The following MAPKBP1 variants were observed in gnomAD, a reference collection of about 807,000 sequenced individuals.
MAPKBP1 encodes mitogen-activated protein kinase binding protein 1, also known as mitogen-activated protein kinase-binding protein 1.
MAPKBP1 carries 71 observed loss-of-function variants against 170.5 expected under a neutral mutation model. That is an observed-to-expected ratio of 0.42 (90% CI 0.34 to 0.51). The LOEUF (loss-of-function observed/expected upper bound fraction) is 0.51. Ranked by LOEUF, MAPKBP1 falls within the 20% of genes least tolerant of loss-of-function variation. The pLI, the probability that MAPKBP1 is intolerant of heterozygous loss-of-function variation, is 0.06. For synonymous variants in MAPKBP1, 719 were observed against 757.9 expected (o/e 0.95, Z 0.84); for missense variants, 1,598 against 1,933.0 (o/e 0.83, Z 3.25).
At chr15:41,775,885 G>A (rs1283204548) in intron 2 of MAPKBP1, among the ~76,000 whole-genome samples, 1 of 152,064 alleles carries the variant, frequency 6.6e-6, no homozygotes, top group Non-Finnish European at 1.5e-5. Context: ...AATTTTTTTT[G>A]TCTCTTCAAG....
intron 2 of MAPKBP1, among the ~76,000 whole-genome samples, chr15:41,783,127 G>A (rs374810784): frequency 6.6e-6 from 1 of 152,176 alleles, no homozygotes; most frequent in Non-Finnish European, 1.5e-5. Flanking sequence ...AGGGCAGACC[G>A]ACGGATGCCT....
At chr15:41,795,790 T>A (rs1293909946) in intron 2 of MAPKBP1, among the ~76,000 whole-genome samples, 4 of 152,092 alleles carry the variant, frequency 2.6e-5, no homozygotes, top group Non-Finnish European at 4.4e-5. Context: ...TTTGTATTTT[T>A]ATTAGAGACG....
chr15:41,776,584 G>A (rs1358912553), intron 2 of MAPKBP1, among the ~76,000 whole-genome samples: 1 of 152,224 alleles, frequency 6.6e-6, no homozygotes, highest in African/African-American at 2.4e-5. Flanking sequence ...AGCCTGAAAT[G>A]TAGAAATTGC....
At chr15:41,805,681 G>A (rs1298676834) in intron 3 of MAPKBP1, among the ~76,000 whole-genome samples, 1 of 152,224 alleles carries the variant, frequency 6.6e-6, no homozygotes, top group African/African-American at 2.4e-5. Flanking sequence ...CAGCTTTGAA[G>A]CATTGCACTG....
At position 41,782,217 on chromosome 15, in the gene MAPKBP1, G is replaced by A. The variant is rs539325946; in HGVS notation, c.114+6828G>A. Among the ~76,000 whole-genome samples, 288 of 146,694 alleles carry A rather than the reference G, an allele frequency of 2.0e-3. 1 individual carries two copies. The highest frequency in any genetic ancestry group is 6.8e-3 in the African/African-American group (272 of 39,868). On this transcript the variant is annotated intron_variant, in intron 2 of 30. Coordinates refer to ENST00000457542, the MANE Select transcript of MAPKBP1 (RefSeq NM_014994.3). ...GCGGAGCTTGCAGTGAGCTGAGATC[G>A]CGCCACTGCCCTCCAGCCTGGGAGA...
Position 41,819,319 on chromosome 15 carries a change from G to C in MAPKBP1, c.2365G>C (p.Gly789Arg). The change falls in exon 21 of 31, where the codon GGG becomes CGG. Residue 789 changes from glycine (G) to arginine (R), a missense_variant. This residue lies in a region of MAPKBP1 where 942 missense variants were observed against 953.2 expected (regional missense o/e 0.99). Coordinates refer to ENST00000457542, the MANE Select transcript of MAPKBP1 (RefSeq NM_014994.3). ...SDSDKEGEDEGTEEELPALPV... is the reference protein window; with the variant it reads ...SDSDKEGEDERTEEELPALPV... ...CAGTGACAAGGAGGGAGAAGATGAG[G>C]GGACTGAAGAAGAACTTCCAGCACT... is the stretch of plus-strand genomic sequence containing the variant. 1 of 1,614,194 alleles carries C rather than the reference G, an allele frequency of 6.2e-7. No individual in the cohort carries two copies. The highest frequency in any genetic ancestry group is 8.5e-7 in the Non-Finnish European group (1 of 1,180,044).
chr15:41,819,829 G>A lies in MAPKBP1; in HGVS notation c.2481+179G>A, dbSNP rs149744278. On this transcript the variant is annotated intron_variant, in intron 22 of 30. Transcript: ENST00000457542. ...AAGCAGCTGGGCTGGTCCTGGGTGC[G>A]GGGGTGAAGAAAGCCCAGGTATTTC... 2.8e-3 allele frequency among the ~76,000 whole-genome samples: 420 copies of A among 152,238 alleles called. 4 individuals carry two copies. Among genetic ancestry groups the A allele is most frequent in the African/African-American group, 9.5e-3 (394 of 41,516 alleles).
At chr15:41,790,291 A>G (rs2064372678) in intron 2 of MAPKBP1, among the ~76,000 whole-genome samples, 1 of 152,178 alleles carries the variant, frequency 6.6e-6, no homozygotes, top group Non-Finnish European at 1.5e-5. Context: ...CAATCTGGTA[A>G]TCATTAGAAC....
chr15:41,781,803 G>A (rs996508711), intron 2 of MAPKBP1, among the ~76,000 whole-genome samples: 14 of 152,118 alleles, frequency 9.2e-5, no homozygotes, highest in African/African-American at 3.4e-4. Flanking sequence ...TTTATTTGGT[G>A]GTTCAGGATT....
At chr15:41,786,756 C>T (rs1337583857) in intron 2 of MAPKBP1, among the ~76,000 whole-genome samples, 1 of 23,878 alleles carries the variant, frequency 4.2e-5, no homozygotes, top group Non-Finnish European at 8.3e-5. Context: ...CAGAGCCAGA[C>T]TCCGTCTAAA....
chr15:41,813,803 T>C, intron 9 of MAPKBP1, 22 bp downstream of exon 9: 1 of 1,563,944 alleles, frequency 6.4e-7, no homozygotes, highest in Non-Finnish European at 8.7e-7. Context: ...GGGCCCCCCT[T>C]CCTCCATTTG....
At chr15:41,821,097 AG>A (rs749644666) in intron 23 of MAPKBP1, 29 bp downstream of exon 23, 7 of 1,607,870 alleles carry the variant, frequency 4.4e-6, no homozygotes, top group Non-Finnish European at 6.0e-6. Flanking sequence ...AGCTCTCTAG[AG>A]AGTTCCAAGG....
rs2152084165 is a variant in MAPKBP1 at position 41,822,240 on chromosome 15, A to G, written c.3047A>G (p.Glu1016Gly). 1.2e-6 allele frequency: 2 copies of G among 1,613,344 alleles called. No individual in the cohort carries two copies. The highest frequency in any genetic ancestry group is 2.2e-5 in the East Asian group (1 of 44,852). The change falls in exon 26 of 31, where the codon GAG becomes GGG. Residue 1016 changes from glutamate to glycine, a missense_variant. By Grantham distance (98) the Glu-to-Gly change is moderately conservative. Coordinates refer to ENST00000457542, the MANE Select transcript of MAPKBP1 (RefSeq NM_014994.3). ...CCACACCCAGACTCTGAGAGCACGGAGCCCCTCAGTGTGGATGGCATCTCC... is the reference window on the plus strand; with the variant it reads ...CCACACCCAGACTCTGAGAGCACGGGGCCCCTCAGTGTGGATGGCATCTCC... ...EHPTEDSEST[E>G]PLSVDGISSD...
chr15:41,797,570 T>C (rs1169187120), intron 2 of MAPKBP1, among the ~76,000 whole-genome samples: 3 of 152,086 alleles, frequency 2.0e-5, no homozygotes, highest in African/African-American at 7.2e-5. Context: ...CAGTAATAGG[T>C]GACTAGATCC....
chr15:41,818,343 C>A lies in MAPKBP1; in HGVS notation c.2092+38C>A. 6.5e-7 allele frequency: 1 copy of A among 1,545,632 alleles called. No homozygotes were observed. The highest frequency in any genetic ancestry group is 1.1e-5 in the South Asian group (1 of 89,610). ...TGAATCCCCGAGTAGAAGCTGATAC[C>A]TGCGTAAACCTGAGTGAGTTCCACC... On this transcript the variant is annotated intron_variant, in intron 18 of 30. Transcript: ENST00000457542. The surrounding 1 kb of genome is among the most constrained non-coding windows in gnomAD (Gnocchi z 5.2).
At chr15:41,813,906 TAGAC>T (rs1434445416) in intron 9 of MAPKBP1, 125 bp downstream of exon 9, 6 of 1,151,156 alleles carry the variant, frequency 5.2e-6, no homozygotes. Flanking sequence ...AACACCTCTT[TAGAC>T]AGAAGAATTT....
intron 3 of MAPKBP1, among the ~76,000 whole-genome samples, chr15:41,807,115 C>T (rs370380608): frequency 1.3e-5 from 2 of 152,162 alleles, no homozygotes; most frequent in East Asian, 1.9e-4. Context: ...TTCCATGGCA[C>T]ACCTGAGAAT....
chr15:41,813,129 G>T, intron 8 of MAPKBP1, 28 bp downstream of exon 8: 1 of 1,577,142 alleles, frequency 6.3e-7, no homozygotes, highest in South Asian at 1.2e-5. Context: ...CAGGGGTAGG[G>T]TCTGCTCATG....
chr15:41,790,892 G>T (rs961076277), intron 2 of MAPKBP1, among the ~76,000 whole-genome samples: 5 of 152,150 alleles, frequency 3.3e-5, no homozygotes, highest in African/African-American at 9.7e-5. Context: ...CTGGTCACTG[G>T]GTCCCTGCCC....
Sources: allele counts gnomAD v4.1 joint callset (sites outside exome capture counted in the v4.1 genomes callset), GRCh38; gene constraint gnomAD v4.1.1; regional missense constraint gnomAD v4.1.1; non-coding constraint Gnocchi (gnomAD v3.1); transcripts MANE v1.5; gene names NCBI Gene and HGNC (gene_info 2026-07-23, HGNC 2026-07-21).